The following COA8 variants were observed in gnomAD, a reference collection of about 807,000 sequenced individuals.
COA8 encodes cytochrome c oxidase assembly factor 8.
In COA8, 20 loss-of-function variants were observed where a neutral mutation model predicts 22.0. The observed-to-expected ratio is 0.91, with a 90% CI of 0.64 to 1.32. The LOEUF (loss-of-function observed/expected upper bound fraction) is 1.32. COA8 is among the 40% of genes most tolerant of loss of function. COA8 has a pLI of 0.00. For synonymous variants in COA8, 105 were observed against 79.9 expected, an observed-to-expected ratio of 1.31 and a Z score of -1.68; for missense variants, 266 against 230.0, an observed-to-expected ratio of 1.16 and a Z score of -1.01.
At chr14:103,586,371 C>A (rs1389167718) in intron 3 of COA8, among the ~76,000 whole-genome samples, 1 of 151,606 alleles carries the variant, frequency 6.6e-6, no homozygotes, top group Admixed American at 6.6e-5. Flanking sequence ...CCATACCTAG[C>A]TAATTTTTTT....
At chr14:103,582,582 C>T (rs2076276229) in intron 3 of COA8, among the ~76,000 whole-genome samples, 1 of 152,190 alleles carries the variant, frequency 6.6e-6, no homozygotes, top group African/African-American at 2.4e-5. Flanking sequence ...CGGTGGCTCC[C>T]AGTTCCTCCG....
At chr14:103,568,612 T>C (rs1156247944) in intron 1 of COA8, among the ~76,000 whole-genome samples, 1 of 69,238 alleles carries the variant, frequency 1.4e-5, no homozygotes, top group Non-Finnish European at 2.7e-5. Flanking sequence ...TATATATATA[T>C]GTGTGTGTGT....
chr14:103,587,620 G>A (rs2076318926), intron 4 of COA8, among the ~76,000 whole-genome samples: 1 of 148,508 alleles, frequency 6.7e-6, no homozygotes, highest in Non-Finnish European at 1.5e-5. Context: ...CCATTCTCCT[G>A]CCTCAGCCTC....
intron 3 of COA8, chr14:103,574,492 C>G: frequency 1.9e-6 from 1 of 529,836 alleles, no homozygotes; most frequent in Non-Finnish European, 3.6e-6. Flanking sequence ...GATTCCTGAT[C>G]TCAGTTCAGT....
At chr14:103,585,587 T>A (rs997210601) in intron 3 of COA8, among the ~76,000 whole-genome samples, 5 of 149,660 alleles carry the variant, frequency 3.3e-5, no homozygotes, top group Admixed American at 2.7e-4. Context: ...CTTTTTTTTT[T>A]TTTTTTTGAA....
At chr14:103,589,393 C>G (rs572514698) in intron 4 of COA8, among the ~76,000 whole-genome samples, 1 of 152,238 alleles carries the variant, frequency 6.6e-6, no homozygotes, top group African/African-American at 2.4e-5. Context: ...CCATGCAGAG[C>G]CTCCAGAGTG....
At chr14:103,589,165 C>T (rs2076332382) in intron 4 of COA8, among the ~76,000 whole-genome samples, 1 of 152,174 alleles carries the variant, frequency 6.6e-6, no homozygotes, top group South Asian at 2.1e-4. Context: ...GTGGCAACAG[C>T]AGAAGTGTAG....
chr14:103,568,560 C>T (rs1476755511), intron 1 of COA8, among the ~76,000 whole-genome samples: 2 of 131,548 alleles, frequency 1.5e-5, no homozygotes. Context: ...CACATATACA[C>T]ACATATATAC....
intron 1 of COA8, among the ~76,000 whole-genome samples, chr14:103,566,420 A>G (rs1198599411): frequency 6.6e-6 from 1 of 152,222 alleles, no homozygotes; most frequent in East Asian, 1.9e-4. Context: ...ACTCATTCTC[A>G]AAAAGAAAAA....
chr14:103,569,669 A>C (rs1179170088), intron 1 of COA8, among the ~76,000 whole-genome samples: 2 of 152,184 alleles, frequency 1.3e-5, no homozygotes, highest in African/African-American at 2.4e-5. Flanking sequence ...CCTGGGCCAC[A>C]GTCTAGGGGG....
Position 103,588,116 on chromosome 14 carries a change from CAAAAAAAAAAAAA to C in COA8, c.476+764_476+776del, listed in dbSNP as rs1221577064. 6.7e-3 allele frequency: 435 copies of C among 64,660 alleles called. 11 individuals carry two copies. The highest frequency in any genetic ancestry group is 0.037 in the African/African-American group (415 of 11,260). The allele number at this position is 64,660 out of a possible 1,614,324, so 4.0% of individuals were successfully genotyped here. A position where few individuals can be genotyped will look rare whatever the true frequency, so the allele number is the denominator to read the frequency against. ...GGGCAAGGAGAACAAAACTCCATCT[CAAAAAAAAAAAAA>C]AAAAAAAAAAACGGGTTTTAGCTGG... On this transcript the variant is annotated intron_variant, in intron 4 of 4. Coordinates refer to ENST00000409074, the MANE Select transcript of COA8 (RefSeq NM_001370595.2).
chr14:103,569,105 C>T (rs753328941), intron 1 of COA8, among the ~76,000 whole-genome samples: 63 of 152,070 alleles, frequency 4.1e-4, no homozygotes, highest in African/African-American at 1.4e-3. Context: ...ACATGAGGGC[C>T]GGATGGAAGA....
Position 103,590,526 on chromosome 14 carries a change from G to A in COA8, c.*240G>A, listed in dbSNP as rs2076344284. 2.3e-6 allele frequency: 1 copy of A among 436,290 alleles called. No homozygotes were observed. The highest frequency in any genetic ancestry group is 3.3e-5 in the South Asian group (1 of 30,294). 27.0% of individuals were successfully genotyped at this position (436,290 alleles called of 1,614,324 possible). On this transcript the variant is annotated 3_prime_UTR_variant, in exon 5 of 5. Coordinates refer to ENST00000409074, the MANE Select transcript of COA8 (RefSeq NM_001370595.2). Reference sequence around the variant, plus strand: ...GGTGTGAAATAAAGCCCAAGCACTGGGTGCCCGTTTCCTGTGTTTCGAATT... The same window carrying A: ...GGTGTGAAATAAAGCCCAAGCACTGAGTGCCCGTTTCCTGTGTTTCGAATT...
Position 103,571,631 on chromosome 14 carries a change from A to G in COA8, c.132A>G (p.Arg44=), listed in dbSNP as rs747608245. The change falls in exon 2 of 5, where the codon AGA becomes AGG. Residue 44 remains arginine, a synonymous_variant. Transcript: ENST00000409074. ...RRDTAPSGVS[R]FCPPRKSCHD... is the part of the protein sequence containing the mutation. ...AATTTACTTTGTTAAAGGTCTCAAGATTCTGCCCTCCAAGAAAGTCTTGCC... is the reference window on the plus strand; with the variant it reads ...AATTTACTTTGTTAAAGGTCTCAAGGTTCTGCCCTCCAAGAAAGTCTTGCC... The G allele has an allele frequency of 1.2e-6, 2 of 1,613,902 alleles. No homozygotes were observed. Among genetic ancestry groups the G allele is most frequent in the Non-Finnish European group, 1.7e-6 (2 of 1,179,820 alleles).
intron 3 of COA8, among the ~76,000 whole-genome samples, chr14:103,578,142 C>T (rs1183045153): frequency 2.8e-4 from 43 of 151,604 alleles, no homozygotes. Flanking sequence ...TGCAGTGAGC[C>T]GAGATTGTGT....
chr14:103,590,332 G>T lies in COA8; in HGVS notation c.*46G>T, dbSNP rs772151067. On this transcript the variant is annotated 3_prime_UTR_variant, in exon 5 of 5. Coordinates refer to ENST00000409074, the MANE Select transcript of COA8 (RefSeq NM_001370595.2). ...AGAGTCCAGGTTTCCACAGGAAGCA[G>T]ATGGAGCTCCTTTCACAGGGGCTCT... The T allele has an allele frequency of 7.7e-5, 117 of 1,519,924 alleles. 2 individuals carry two copies. In the East Asian group the frequency reaches 1.9e-3, roughly 24 times the overall value. The allele number at this position is 1,519,924 out of a possible 1,614,324, so 94.2% of individuals were successfully genotyped here.
intron 2 of COA8, 103 bp downstream of exon 2, chr14:103,571,923 C>T (rs1326357226): frequency 1.5e-5 from 14 of 943,974 alleles, no homozygotes; most frequent in Admixed American, 9.6e-5. Context: ...GTCAGGAGAT[C>T]GAGACCATCC....
At chr14:103,566,996 C>G (rs1488094418) in intron 1 of COA8, among the ~76,000 whole-genome samples, 1 of 152,214 alleles carries the variant, frequency 6.6e-6, no homozygotes, top group Non-Finnish European at 1.5e-5. Context: ...CAGCCTCAAC[C>G]TCACTGGCTC....
At chr14:103,585,825 C>T (rs1038785349) in intron 3 of COA8, among the ~76,000 whole-genome samples, 2 of 151,932 alleles carry the variant, frequency 1.3e-5, no homozygotes, top group African/African-American at 4.8e-5. Context: ...CCACTTGCCT[C>T]GGCCTCCCAA....
Sources: allele counts gnomAD v4.1 joint callset (sites outside exome capture counted in the v4.1 genomes callset), GRCh38; gene constraint gnomAD v4.1.1; transcripts MANE v1.5; gene names NCBI Gene and HGNC (gene_info 2026-07-23, HGNC 2026-07-21).